Variants in INPP5A observed in about 807,000 individuals in gnomAD.
INPP5A encodes the protein 43 kDa inositol polyphosphate 5-phophatase.
INPP5A carries 14 observed loss-of-function variants against 65.2 expected under a neutral mutation model. The observed-to-expected ratio is 0.21, with a 90% CI of 0.14 to 0.34. The LOEUF (loss-of-function observed/expected upper bound fraction) is 0.34. Ranked by LOEUF, INPP5A falls within the 10% of genes least tolerant of loss-of-function variation. The pLI is 1.00. For synonymous variants in INPP5A, 207 were observed against 208.3 expected (o/e 0.99, Z 0.05); for missense variants, 431 against 545.6 (o/e 0.79, Z 2.09).
intron 1 of INPP5A, among the ~76,000 whole-genome samples, chr10:132,589,173 T>C (rs988370704): frequency 6.6e-6 from 1 of 152,246 alleles, no homozygotes; most frequent in African/African-American, 2.4e-5. Flanking sequence ...GCAGGGTTCC[T>C]GCCCAGTCTC....
In INPP5A at chr10:132,587,116, A is replaced by G. The variant is rs1564925378; in HGVS notation, c.76-20799A>G. 6.6e-6 allele frequency among the ~76,000 whole-genome samples: 1 copy of G among 152,128 alleles called. No individual in the cohort carries two copies. Among genetic ancestry groups the G allele is most frequent in the Non-Finnish European group, 1.5e-5 (1 of 68,030 alleles). ...GAGCCATGTAGTGTGCTATGACTTG[A>G]TTTTTTCAGTTTTAAAAAATAATAC... On this transcript the variant is annotated intron_variant, in intron 1 of 15. Coordinates refer to ENST00000368594, the MANE Select transcript of INPP5A (RefSeq NM_005539.5). This position sits in a 1 kb window ranked among gnomAD's most constrained non-coding sequence, Gnocchi z 4.3.
Position 132,710,386 on chromosome 10 carries a change from G to A in INPP5A, c.577G>A (p.Val193Ile), listed in dbSNP as rs764196463. 1.2e-6 allele frequency: 2 copies of A among 1,614,186 alleles called. No homozygotes were observed. Among genetic ancestry groups the A allele is most frequent in the South Asian group, 2.2e-5 (2 of 91,088 alleles). The change falls in exon 8 of 16, where the codon GTC (valine) becomes ATC (isoleucine). Residue 193 changes from valine to isoleucine, a missense_variant. Coordinates refer to ENST00000368594, the MANE Select transcript of INPP5A (RefSeq NM_005539.5). ...IHLFHDASNL[V>I]AWETSPSVYS... ...TCTTTTCCATGATGCTTCCAATCTG[G>A]TCGCCTGGGAAACAAGCCCTTCCGT...
At chr10:132,758,482 C>T (rs1204560729) in intron 11 of INPP5A, among the ~76,000 whole-genome samples, 10 of 139,830 alleles carry the variant, frequency 7.2e-5, no homozygotes, top group East Asian at 2.1e-4. Flanking sequence ...GCTGACCCCA[C>T]AGCCCAGCAC....
rs1351104180 is a variant in INPP5A at position 132,538,082 on chromosome 10, C to T, written c.-15C>T. ...CCGCCGCCGCCCAGCCCAGCGCCCG[C>T]GCCGCCCGGGCACCATGGCGGGGAA... is the stretch of plus-strand genomic sequence containing the variant. On this transcript the variant is annotated 5_prime_UTR_variant, in exon 1 of 16. Transcript: ENST00000368594. This position sits in a 1 kb window ranked among gnomAD's most constrained non-coding sequence, Gnocchi z 4.1. 9 of 1,156,752 alleles carry T rather than the reference C, an allele frequency of 7.8e-6. No homozygotes were observed. In the South Asian group the frequency reaches 3.8e-4, roughly 49 times the overall value. The allele number at this position is 1,156,752 out of a possible 1,614,324, so 71.7% of individuals were successfully genotyped here. A position where few individuals can be genotyped will look rare whatever the true frequency, so the allele number is the denominator to read the frequency against.
chr10:132,627,951 C>G lies in INPP5A; in HGVS notation c.118-17917C>G, dbSNP rs748640823. On this transcript the variant is annotated intron_variant, in intron 2 of 15. Coordinates refer to ENST00000368594, the MANE Select transcript of INPP5A (RefSeq NM_005539.5). This position sits in a 1 kb window ranked among gnomAD's most constrained non-coding sequence, Gnocchi z 6.6. ...GGAGATAAGGGACGCGAATCTGACT[C>G]GGTGACTTTGTTGTTGATGTTGATG... Among the ~76,000 whole-genome samples the G allele has an allele frequency of 6.6e-6, 1 of 152,064 alleles. No individual in the cohort carries two copies. The highest frequency in any genetic ancestry group is 2.4e-5 in the African/African-American group (1 of 41,408).
intron 1 of INPP5A, among the ~76,000 whole-genome samples, chr10:132,568,327 G>A (rs973832574): frequency 1.1e-4 from 17 of 152,202 alleles, no homozygotes; most frequent in East Asian, 5.8e-4. Context: ...TATCGATAGC[G>A]AAGTTTGTTT....
intron 8 of INPP5A, among the ~76,000 whole-genome samples, chr10:132,723,144 C>G (rs1845916661): frequency 6.6e-6 from 1 of 152,236 alleles, no homozygotes; most frequent in African/African-American, 2.4e-5. Flanking sequence ...GGATTCCAGA[C>G]AGGACGATGA....
intron 11 of INPP5A, among the ~76,000 whole-genome samples, chr10:132,763,002 ATAACT>A (rs568838951): frequency 7.2e-5 from 11 of 152,188 alleles, no homozygotes; most frequent in African/African-American, 1.4e-4. Flanking sequence ...AAATAAATAA[ATAACT>A]TAAAAACCAT....
At chr10:132,606,053 A>G (rs1371477181) in intron 1 of INPP5A, among the ~76,000 whole-genome samples, 1 of 152,102 alleles carries the variant, frequency 6.6e-6, no homozygotes, top group Non-Finnish European at 1.5e-5. Context: ...GGCGAGGTGC[A>G]CACAGTGAAC....
chr10:132,643,601 C>T (rs1416216856), intron 2 of INPP5A, among the ~76,000 whole-genome samples: 1 of 152,176 alleles, frequency 6.6e-6, no homozygotes, highest in Non-Finnish European at 1.5e-5. Flanking sequence ...TGAGACCTAG[C>T]AGGAATGGTG....
At chr10:132,732,023 G>A (rs1461770647) in intron 9 of INPP5A, among the ~76,000 whole-genome samples, 2 of 152,208 alleles carry the variant, frequency 1.3e-5, no homozygotes, top group African/African-American at 2.4e-5. Flanking sequence ...GGCACCCCAG[G>A]CAGTGGCAAT....
intron 1 of INPP5A, among the ~76,000 whole-genome samples, chr10:132,584,253 C>T (rs764037112): frequency 1.1e-4 from 16 of 152,210 alleles, no homozygotes; most frequent in Non-Finnish European, 1.8e-4. Flanking sequence ...ATTTGGAAAA[C>T]ACTAACCATT....
chr10:132,646,789 C>G (rs1315588319), intron 3 of INPP5A, among the ~76,000 whole-genome samples: 1 of 152,184 alleles, frequency 6.6e-6, no homozygotes, highest in Non-Finnish European at 1.5e-5. Context: ...CTGCCACGCT[C>G]TGTGGGCCGA....
At position 132,702,757 on chromosome 10, in the gene INPP5A, G is replaced by A. The variant is rs550277871; in HGVS notation, c.474+4838G>A. On this transcript the variant is annotated intron_variant, in intron 6 of 15. Coordinates refer to ENST00000368594, the MANE Select transcript of INPP5A (RefSeq NM_005539.5). ...TGCCACGGAGCACCTCTGCTCTCTC[G>A]TTCCACAGTGTGCTCTGGGGCTCTG... 1.1e-3 allele frequency among the ~76,000 whole-genome samples: 173 copies of A among 152,320 alleles called. 2 individuals carry two copies. The highest frequency in any genetic ancestry group is 3.9e-3 in the African/African-American group (162 of 41,572).
chr10:132,770,272 G>A (rs1018131660), intron 12 of INPP5A, among the ~76,000 whole-genome samples: 1 of 152,222 alleles, frequency 6.6e-6, no homozygotes, highest in South Asian at 2.1e-4. Context: ...CCAGAGAGCC[G>A]AACGCTCCCA....
In INPP5A at chr10:132,689,619, G is replaced by A. The variant is rs146798668; in HGVS notation, c.307-773G>A. On this transcript the variant is annotated intron_variant, in intron 4 of 15. Coordinates refer to ENST00000368594, the MANE Select transcript of INPP5A (RefSeq NM_005539.5). ...GTTGGGGTTGCCAGATTTAGCAAAA[G>A]AAAAAAATACACAGAAATAATACAC... Among the ~76,000 whole-genome samples the A allele has an allele frequency of 8.5e-5, 13 of 152,226 alleles. No homozygotes were observed. The South Asian group carries it at 2.1e-3, about 24-fold the overall frequency.
intron 2 of INPP5A, among the ~76,000 whole-genome samples, chr10:132,610,621 T>C (rs1266819351): frequency 1.3e-5 from 2 of 152,298 alleles, no homozygotes; most frequent in East Asian, 3.9e-4. Flanking sequence ...TGCTCCAGGG[T>C]CTGCAGCCTA....
chr10:132,669,687 C>T (rs555016840), intron 4 of INPP5A, among the ~76,000 whole-genome samples: 5 of 152,272 alleles, frequency 3.3e-5, no homozygotes, highest in East Asian at 1.9e-4. Context: ...CCTGCCTGTG[C>T]GTGCCCCATG....
chr10:132,749,579 G>A lies in INPP5A; in HGVS notation c.795G>A (p.Lys265=). 2.5e-6 allele frequency: 4 copies of A among 1,613,046 alleles called. No homozygotes were observed. Among genetic ancestry groups the A allele is most frequent in the African/African-American group, 2.7e-5 (2 of 75,068 alleles). ...VRAADTNEVV[K]LIFRESDNDR... is the part of the protein sequence containing the mutation. ...CCGCCGACACCAATGAAGTGGTGAAGCTCATATTTCGTGAGTCGGACAACG... is the reference window on the plus strand; with the variant it reads ...CCGCCGACACCAATGAAGTGGTGAAACTCATATTTCGTGAGTCGGACAACG... The change falls in exon 10 of 16, where the codon AAG becomes AAA. Residue 265 remains lysine (K), a synonymous_variant. Transcript: ENST00000368594.
Sources: allele counts gnomAD v4.1 joint callset (sites outside exome capture counted in the v4.1 genomes callset), GRCh38; gene constraint gnomAD v4.1.1; non-coding constraint Gnocchi (gnomAD v3.1); transcripts MANE v1.5; gene names NCBI Gene and HGNC (gene_info 2026-07-23, HGNC 2026-07-21).